The following FGF20 variants were observed in gnomAD, a reference collection of about 807,000 sequenced individuals.
FGF20 encodes fibroblast growth factor 20.
In FGF20, 8 loss-of-function variants were observed where a neutral mutation model predicts 16.7. The ratio of observed to expected loss-of-function variants is 0.48; its 90% CI spans 0.28 to 0.87. FGF20 has a LOEUF of 0.87. Ranked by LOEUF, FGF20 falls within the 40% of genes least tolerant of loss-of-function variation. The pLI, the probability that FGF20 is intolerant of heterozygous loss-of-function variation, is 0.10. For synonymous variants in FGF20, 161 were observed against 118.6 expected, an observed-to-expected ratio of 1.36 and a Z score of -2.32; for missense variants, 397 against 281.4, an observed-to-expected ratio of 1.41 and a Z score of -2.94.
At position 17,002,268 on chromosome 8, in the gene FGF20, T is replaced by C. The variant is rs1038055241; in HGVS notation, c.-236A>G. On this transcript the variant is annotated 5_prime_UTR_variant, in exon 1 of 3. Transcript: ENST00000180166. ...GCCGGCTGCTGGCTCTGCAGAAATA[T>C]CTATAGCTGCCGCTGCCAATACTAG... 6.6e-6 allele frequency: 3 copies of C among 451,514 alleles called. No individual in the cohort carries two copies. The highest frequency in any genetic ancestry group is 6.2e-5 in the African/African-American group (3 of 48,124). The allele number at this position is 451,514 out of a possible 1,614,324, so 28.0% of individuals were successfully genotyped here.
In FGF20 at chr8:17,002,166, C is replaced by G. The variant is rs570154486; in HGVS notation, c.-134G>C. ...GCCCGGTTACTCCTCTGAGGTCGCT[C>G]CGGAGGGACTTTGCACTGAAATGGC... On this transcript the variant is annotated 5_prime_UTR_variant, in exon 1 of 3. Coordinates refer to ENST00000180166, the MANE Select transcript of FGF20 (RefSeq NM_019851.3). 1,004 of 874,408 alleles carry G rather than the reference C, an allele frequency of 1.1e-3. 8 individuals are homozygous for G. Among genetic ancestry groups the G allele is most frequent in the Middle Eastern group, 1.4e-3 (4 of 2,848 alleles). 54.2% of individuals were successfully genotyped at this position (874,408 alleles called of 1,614,324 possible). A position where few individuals can be genotyped will look rare whatever the true frequency, so the allele number is the denominator to read the frequency against.
chr8:16,995,467 T>A (rs1408664095), intron 2 of FGF20, among the ~76,000 whole-genome samples, 188 bp downstream of exon 2: 1 of 152,190 alleles, frequency 6.6e-6, no homozygotes, highest in East Asian at 1.9e-4. Flanking sequence ...TTGGGGGTTT[T>A]AAAAATATAA....
chr8:17,000,746 T>C (rs559108938), intron 1 of FGF20, among the ~76,000 whole-genome samples: 1 of 151,988 alleles, frequency 6.6e-6, no homozygotes, highest in Admixed American at 6.6e-5. Flanking sequence ...ACTTTCTAGT[T>C]ACACAGCTAG....
In FGF20 at chr8:17,001,897, G is replaced by C; in HGVS notation, c.136C>G (p.Arg46Gly). ...LLGERRSAAE[R>G]SARGGPGAAQ... Reference sequence around the variant, plus strand: ...GCCCCCGGCCCGCCGCGCGCGCTCCGCTCCGCCGCGCTCCTGCGCTCGCCC... The same window carrying C: ...GCCCCCGGCCCGCCGCGCGCGCTCCCCTCCGCCGCGCTCCTGCGCTCGCCC... The change falls in exon 1 of 3, where the codon CGG becomes GGG. Residue 46 changes from arginine to glycine, a missense_variant. Physicochemically the swap from Arg to Gly is moderately radical, Grantham distance 125. Coordinates refer to ENST00000180166, the MANE Select transcript of FGF20 (RefSeq NM_019851.3). 6.8e-7 allele frequency: 1 copy of C among 1,460,150 alleles called. No homozygotes were observed. Among genetic ancestry groups the C allele is most frequent in the Non-Finnish European group, 9.0e-7 (1 of 1,108,996 alleles). 90.4% of individuals were successfully genotyped at this position (1,460,150 alleles called of 1,614,324 possible).
chr8:16,995,507 T>C (rs992582475), intron 2 of FGF20, 148 bp downstream of exon 2: 10 of 437,546 alleles, frequency 2.3e-5, no homozygotes, highest in East Asian at 6.7e-5. Flanking sequence ...CCCAGACACA[T>C]GGAAATTTAG....
Position 17,002,131 on chromosome 8 carries a change from A to T in FGF20, c.-99T>A. 1.5e-6 allele frequency: 2 copies of T among 1,297,096 alleles called. No individual in the cohort carries two copies. Among genetic ancestry groups the T allele is most frequent in the Non-Finnish European group, 2.0e-6 (2 of 993,304 alleles). The allele number at this position is 1,297,096 out of a possible 1,614,324, so 80.3% of individuals were successfully genotyped here. A position where few individuals can be genotyped will look rare whatever the true frequency, so the allele number is the denominator to read the frequency against. On this transcript the variant is annotated 5_prime_UTR_variant, in exon 1 of 3. The change creates a new upstream start codon in the 5' untranslated region. Coordinates refer to ENST00000180166, the MANE Select transcript of FGF20 (RefSeq NM_019851.3). ...GAAAAATTATAGCAAAACGAGCGCA[A>T]AAAGTTAAGGCCCGGTTACTCCTCT...
intron 1 of FGF20, among the ~76,000 whole-genome samples, chr8:17,000,844 C>T (rs1351936118): frequency 6.6e-6 from 1 of 151,880 alleles, no homozygotes; most frequent in Non-Finnish European, 1.5e-5. Flanking sequence ...TCTTTTAACC[C>T]CTTCTCTTCC....
At chr8:17,000,452 A>T (rs1432007289) in intron 1 of FGF20, among the ~76,000 whole-genome samples, 1 of 140,144 alleles carries the variant, frequency 7.1e-6, no homozygotes, top group Non-Finnish European at 1.6e-5. Flanking sequence ...TTATAAGAAC[A>T]AGGGGGTAAG....
chr8:16,992,914 T>C lies in FGF20; in HGVS notation c.*158A>G. ...TGATCTATTTCTAGTCAAAATTTTTTTTGGTTTTTTTTCTCAATATTCTTT... is the reference window on the plus strand; with the variant it reads ...TGATCTATTTCTAGTCAAAATTTTTCTTGGTTTTTTTTCTCAATATTCTTT... On this transcript the variant is annotated 3_prime_UTR_variant, in exon 3 of 3. Coordinates refer to ENST00000180166, the MANE Select transcript of FGF20 (RefSeq NM_019851.3). 1 of 832,542 alleles carries C rather than the reference T, an allele frequency of 1.2e-6. No individual in the cohort carries two copies. Among genetic ancestry groups the C allele is most frequent in the Non-Finnish European group, 1.8e-6 (1 of 546,338 alleles). 51.6% of individuals were successfully genotyped at this position (832,542 alleles called of 1,614,324 possible).
At chr8:16,997,854 A>G (rs17515062) in intron 1 of FGF20, among the ~76,000 whole-genome samples, 12,224 of 152,298 alleles carry the variant, frequency 0.08, 899 homozygotes, top group African/African-American at 0.2. Context: ...ATATATATTA[A>G]TGTAACTTCA....
intron 1 of FGF20, among the ~76,000 whole-genome samples, chr8:17,000,327 T>TTAG (rs1810152501): frequency 6.6e-6 from 1 of 152,172 alleles, no homozygotes; most frequent in Non-Finnish European, 1.5e-5. Context: ...CTTTAAGTGC[T>TTAG]ACCAAATGAC....
At chr8:17,001,639 C>G in intron 1 of FGF20, 108 bp downstream of exon 1, 1 of 1,294,482 alleles carries the variant, frequency 7.7e-7, no homozygotes, top group East Asian at 3.1e-5. Context: ...GCTCCGGGCT[C>G]CGCGCGGCGA....
intron 1 of FGF20, 84 bp from the exon 2 acceptor site, chr8:16,995,842 G>T: frequency 1.4e-6 from 1 of 711,120 alleles, no homozygotes; most frequent in South Asian, 2.1e-5. Flanking sequence ...CCAAATAGTA[G>T]CGGTAGTCGG....
rs1360514758 is a variant in FGF20, at chr8:17,002,254, G to A, written c.-222C>T. ...TTGGGTAGGTGGGAGCCGGCTGCTG[G>A]CTCTGCAGAAATATCTATAGCTGCC... On this transcript the variant is annotated 5_prime_UTR_variant, in exon 1 of 3. Coordinates refer to ENST00000180166, the MANE Select transcript of FGF20 (RefSeq NM_019851.3). 3 of 473,582 alleles carry A rather than the reference G, an allele frequency of 6.3e-6. No individual in the cohort carries two copies. Among genetic ancestry groups the A allele is most frequent in the Non-Finnish European group, 1.1e-5 (3 of 277,244 alleles). 29.3% of individuals were successfully genotyped at this position (473,582 alleles called of 1,614,324 possible).
rs1809949373 is a variant in FGF20 at position 16,992,966 on chromosome 8, A to G, written c.*106T>C. 7.3e-7 allele frequency: 1 copy of G among 1,373,496 alleles called. No individual in the cohort carries two copies. Among genetic ancestry groups the G allele is most frequent in the African/African-American group, 1.4e-5 (1 of 69,070 alleles). The allele number at this position is 1,373,496 out of a possible 1,614,324, so 85.1% of individuals were successfully genotyped here. Reference sequence around the variant, plus strand: ...CAAATCCAGTCTCTCAGTAGAAAATAGACTTTAATATTTTGAACGTCTCCT... The same window carrying G: ...CAAATCCAGTCTCTCAGTAGAAAATGGACTTTAATATTTTGAACGTCTCCT... On this transcript the variant is annotated 3_prime_UTR_variant, in exon 3 of 3. Coordinates refer to ENST00000180166, the MANE Select transcript of FGF20 (RefSeq NM_019851.3).
At chr8:16,999,555 G>C (rs1401921856) in intron 1 of FGF20, among the ~76,000 whole-genome samples, 2 of 126,448 alleles carry the variant, frequency 1.6e-5, no homozygotes, top group East Asian at 2.5e-4. Flanking sequence ...CAGAGTCTTG[G>C]TCTGTCGCCA....
chr8:17,000,043 C>G (rs924926011), intron 1 of FGF20, among the ~76,000 whole-genome samples: 1 of 152,120 alleles, frequency 6.6e-6, no homozygotes, highest in African/African-American at 2.4e-5. Context: ...ACTGAGCCAC[C>G]TGGTGTCAGC....
intron 1 of FGF20, among the ~76,000 whole-genome samples, chr8:17,000,568 A>G (rs775740670): frequency 6.6e-6 from 1 of 152,162 alleles, no homozygotes; most frequent in Non-Finnish European, 1.5e-5. Flanking sequence ...TAAAAATAAA[A>G]TGAATTTTTC....
At chr8:17,001,708 G>T in intron 1 of FGF20, 39 bp downstream of exon 1, 12 of 1,541,302 alleles carry the variant, frequency 7.8e-6, no homozygotes, top group Non-Finnish European at 1.0e-5. Context: ...AGCCGAGCTG[G>T]GGCGCAGATG....
Sources: allele counts gnomAD v4.1 joint callset (sites outside exome capture counted in the v4.1 genomes callset), GRCh38; gene constraint gnomAD v4.1.1; transcripts MANE v1.5; gene names NCBI Gene and HGNC (gene_info 2026-07-23, HGNC 2026-07-21).